Variants in NHLRC2 observed in about 807,000 individuals in gnomAD.
NHLRC2 encodes NHL repeat-containing protein 2.
Under a neutral mutation model 68.1 loss-of-function variants are expected in NHLRC2, and 33 were observed. That is an observed-to-expected ratio of 0.48 (90% confidence interval 0.37 to 0.65). The LOEUF is 0.65. Among genes scored for constraint, NHLRC2 ranks in the 30% least tolerant of loss-of-function variants. The pLI, the probability that NHLRC2 is intolerant of heterozygous loss-of-function variation, is 0.00. For synonymous variants in NHLRC2, 311 were observed against 309.6 expected, an observed-to-expected ratio of 1.00 and a Z score of -0.05; for missense variants, 761 against 853.8, an observed-to-expected ratio of 0.89 and a Z score of 1.35.
chr10:113,912,323 G>C lies in NHLRC2; in HGVS notation c.*3787G>C, dbSNP rs572138538. 1 of 152,174 alleles carries C rather than the reference G, an allele frequency of 6.6e-6. No individual in the cohort carries two copies. Among genetic ancestry groups the C allele is most frequent in the African/African-American group, 2.4e-5 (1 of 41,518 alleles). 9.4% of individuals were successfully genotyped at this position (152,174 alleles called of 1,614,324 possible). ...ACACATATCACCCTACATTTTCTTTGCAACTACAATTTGTGAAGGAAAATC... is the reference window on the plus strand; with the variant it reads ...ACACATATCACCCTACATTTTCTTTCCAACTACAATTTGTGAAGGAAAATC... On this transcript the variant is annotated 3_prime_UTR_variant, in exon 11 of 11. Transcript: ENST00000369301.
chr10:113,879,170 T>G (rs975367758), intron 3 of NHLRC2, among the ~76,000 whole-genome samples: 1 of 152,160 alleles, frequency 6.6e-6, no homozygotes, highest in Non-Finnish European at 1.5e-5. Context: ...TGGGATTGTT[T>G]ACAACAATTT....
At chr10:113,879,479 A>ATAT in intron 3 of NHLRC2, 95 bp from the exon 4 acceptor site, 1 of 1,097,890 alleles carries the variant, frequency 9.1e-7, no homozygotes, top group Non-Finnish European at 1.3e-6. Context: ...CCATTTTTTT[A>ATAT]TATTAAAATC....
At chr10:113,881,292 G>T (rs1846034289) in intron 4 of NHLRC2, among the ~76,000 whole-genome samples, 1 of 151,562 alleles carries the variant, frequency 6.6e-6, no homozygotes, top group African/African-American at 2.4e-5. Flanking sequence ...TTGACCATGT[G>T]CTCCATTTCA....
At chr10:113,855,988 T>C (rs1360120218) in intron 1 of NHLRC2, among the ~76,000 whole-genome samples, 1 of 152,186 alleles carries the variant, frequency 6.6e-6, no homozygotes, top group South Asian at 2.1e-4. Flanking sequence ...AGTTGGATTA[T>C]ACAGGCCCTG....
chr10:113,865,378 TGGA>T (rs1336227347), intron 2 of NHLRC2, among the ~76,000 whole-genome samples: 1 of 147,604 alleles, frequency 6.8e-6, no homozygotes, highest in African/African-American at 2.5e-5. Context: ...GTTAATGTGG[TGGA>T]GAATACTGAC....
intron 8 of NHLRC2, among the ~76,000 whole-genome samples, 160 bp from the exon 9 acceptor site, chr10:113,903,367 T>G (rs1846244890): frequency 6.6e-6 from 1 of 152,184 alleles, no homozygotes; most frequent in Admixed American, 6.5e-5. Context: ...ATTTGAATGT[T>G]TGGCTTTTCA....
intron 5 of NHLRC2, among the ~76,000 whole-genome samples, chr10:113,896,593 C>G (rs1027704130): frequency 3.3e-5 from 5 of 151,752 alleles, no homozygotes; most frequent in Admixed American, 2.6e-4. Flanking sequence ...GTGCAGCGCA[C>G]CAGCATGGCA....
At chr10:113,867,927 A>G (rs1845883972) in intron 2 of NHLRC2, among the ~76,000 whole-genome samples, 1 of 152,100 alleles carries the variant, frequency 6.6e-6, no homozygotes, top group African/African-American at 2.4e-5. Flanking sequence ...AGCTTTAAAA[A>G]TATGTATTTT....
At chr10:113,860,168 GT>G (rs894569718) in intron 2 of NHLRC2, among the ~76,000 whole-genome samples, 1 of 152,038 alleles carries the variant, frequency 6.6e-6, no homozygotes, top group African/African-American at 2.4e-5. Flanking sequence ...TTTTTGATTT[GT>G]TTTTTTAGTA....
rs181212028 is a variant in NHLRC2, at chr10:113,855,136, G to A, written c.178+86G>A. 1.0e-4 allele frequency: 123 copies of A among 1,222,280 alleles called. No homozygotes were observed. In the African/African-American group the frequency reaches 1.7e-3, roughly 17 times the overall value. The allele number at this position is 1,222,280 out of a possible 1,614,324, so 75.7% of individuals were successfully genotyped here. ...GCCCTCCCGCGAAGCGGTGGGCTAG[G>A]CGGGTTTGTGCCGCTGGCGCCCCGG... On this transcript the variant is annotated intron_variant, in intron 1 of 10. Coordinates refer to ENST00000369301, the MANE Select transcript of NHLRC2 (RefSeq NM_198514.4).
In NHLRC2 at chr10:113,854,835, CGCGGGCCCGGCGGCCGCATCG is replaced by C. The variant is rs1845726003; in HGVS notation, c.-36_-16del. 2 of 1,517,520 alleles carry C rather than the reference CGCGGGCCCGGCGGCCGCATCG, an allele frequency of 1.3e-6. No homozygotes were observed. Among genetic ancestry groups the C allele is most frequent in the South Asian group, 2.5e-5 (2 of 79,446 alleles). 94.0% of individuals were successfully genotyped at this position (1,517,520 alleles called of 1,614,324 possible). The stretch of plus-strand genomic sequence containing the variant: ...TTCGTCTCTCCCAGCGAGACTCTCC[CGCGGGCCCGGCGGCCGCATCG>C]GGAGCCCGGCGGAAACATGGCGGCG... On this transcript the variant is annotated 5_prime_UTR_variant, in exon 1 of 11. Transcript: ENST00000369301.
chr10:113,862,122 A>C (rs1845821351), intron 2 of NHLRC2, among the ~76,000 whole-genome samples: 1 of 152,096 alleles, frequency 6.6e-6, no homozygotes, highest in Non-Finnish European at 1.5e-5. Context: ...TGATTCGCCC[A>C]TCTCAGCCTC....
At chr10:113,908,127 T>C (rs1289397182) in intron 10 of NHLRC2, among the ~76,000 whole-genome samples, 153 bp from the exon 11 acceptor site, 1 of 152,232 alleles carries the variant, frequency 6.6e-6, no homozygotes, top group Non-Finnish European at 1.5e-5. Flanking sequence ...GTATATGTTA[T>C]GTATATTTAT....
rs1340460538 is a variant in NHLRC2, at chr10:113,876,783, C to T, written c.594C>T (p.Tyr198=). The part of the protein sequence containing the change: ...FLYTSIALKY[Y]KDRGQIRDNK... ...ATACTTCAATTGCTTTAAAGTATTA[C>T]AAAGACAGGGGGCAGATCAGAGATA... Residue 198 remains tyrosine (Y), a synonymous_variant, in exon 3 of 11, where the codon TAC becomes TAT. Transcript: ENST00000369301. 1 of 1,611,104 alleles carries T rather than the reference C, an allele frequency of 6.2e-7. No individual in the cohort carries two copies. Among genetic ancestry groups the T allele is most frequent in the East Asian group, 2.2e-5 (1 of 44,846 alleles).
intron 2 of NHLRC2, 157 bp downstream of exon 2, chr10:113,858,837 T>C (rs1845788185): frequency 2.0e-6 from 1 of 506,538 alleles, no homozygotes. Context: ...ATGTACCTTT[T>C]CATAAAGGAT....
At chr10:113,887,673 G>A (rs1343058534) in intron 5 of NHLRC2, among the ~76,000 whole-genome samples, 1 of 152,142 alleles carries the variant, frequency 6.6e-6, no homozygotes, top group Non-Finnish European at 1.5e-5. Context: ...TTGGGAGGCT[G>A]AGGTGGGAGA....
Position 113,908,434 on chromosome 10 carries a change from C to T in NHLRC2, c.2079C>T (p.Ser693=), listed in dbSNP as rs376391957. ...SVFLYYCSAD[S]SACMMKAILF... ...TTCTTTATTACTGTAGTGCAGACAG[C>T]AGTGCTTGTATGATGAAGGCAATTT... The change falls in exon 11 of 11, where the codon AGC becomes AGT. Residue 693 remains serine, a synonymous_variant. Transcript: ENST00000369301. 1 of 1,613,784 alleles carries T rather than the reference C, an allele frequency of 6.2e-7. No homozygotes were observed. Among genetic ancestry groups the T allele is most frequent in the South Asian group, 1.1e-5 (1 of 91,068 alleles).
chr10:113,892,487 G>T (rs1846141621), intron 5 of NHLRC2, among the ~76,000 whole-genome samples: 3 of 152,066 alleles, frequency 2.0e-5, no homozygotes, highest in Admixed American at 2.0e-4. Flanking sequence ...ATTTAAAATG[G>T]AAATGTTCAT....
intron 4 of NHLRC2, 27 bp downstream of exon 4, chr10:113,879,722 ATACT>A: frequency 7.3e-7 from 1 of 1,369,336 alleles, no homozygotes; most frequent in Non-Finnish European, 1.0e-6. Context: ...ATTTGTTTTA[ATACT>A]TACAATCAGA....
Sources: allele counts gnomAD v4.1 joint callset (sites outside exome capture counted in the v4.1 genomes callset), GRCh38; gene constraint gnomAD v4.1.1; transcripts MANE v1.5; gene names NCBI Gene and HGNC (gene_info 2026-07-23, HGNC 2026-07-21).